Variants in PHKB observed in about 807,000 individuals in gnomAD.
PHKB encodes the protein phosphorylase kinase regulatory subunit beta, also known as phosphorylase b kinase regulatory subunit beta.
In PHKB, 122 loss-of-function variants were observed where a neutral mutation model predicts 152.1. The observed-to-expected ratio is 0.80, with a 90% CI of 0.69 to 0.93. The LOEUF is 0.93. Ranked by LOEUF, PHKB falls within the 40% of genes least tolerant of loss-of-function variation. The probability of loss-of-function intolerance (pLI) is 0.00; values close to 1 mark genes in which losing one functional copy is unlikely to be tolerated. For missense variants in PHKB, 1,304 were observed against 1,328.4 expected (o/e 0.98, Z 0.29); for synonymous variants, 436 against 464.9 (o/e 0.94, Z 0.80).
chr16:47,510,862 A>C (rs1161458224), intron 4 of PHKB, among the ~76,000 whole-genome samples: 3 of 152,164 alleles, frequency 2.0e-5, no homozygotes, highest in Non-Finnish European at 2.9e-5. Context: ...AAATTATTGC[A>C]TTTACCTAGA....
chr16:47,522,774 CGTGA>C (rs926646138), intron 6 of PHKB, among the ~76,000 whole-genome samples: 51 of 151,774 alleles, frequency 3.4e-4, no homozygotes, highest in Non-Finnish European at 6.0e-4. Context: ...TGATTTCTCT[CGTGA>C]GTTTTTCTTT....
chr16:47,535,447 A>T (rs1597063351), intron 6 of PHKB, among the ~76,000 whole-genome samples: 1 of 152,210 alleles, frequency 6.6e-6, no homozygotes, highest in East Asian at 1.9e-4. Context: ...TTGTTAACAA[A>T]TTATATTACC....
At chr16:47,469,134 A>G (rs1261490077) in intron 1 of PHKB, among the ~76,000 whole-genome samples, 1 of 152,220 alleles carries the variant, frequency 6.6e-6, no homozygotes, top group Non-Finnish European at 1.5e-5. Context: ...TGTTTTGTGC[A>G]TAGCTGTATC....
chr16:47,684,283 A>G (rs1331525737), intron 26 of PHKB, among the ~76,000 whole-genome samples: 1 of 151,962 alleles, frequency 6.6e-6, no homozygotes, highest in Non-Finnish European at 1.5e-5. Flanking sequence ...CAAGATCACA[A>G]CAGCTGCACT....
At chr16:47,564,980 A>G in intron 7 of PHKB, 7 of 219,190 alleles carry the variant, frequency 3.2e-5, no homozygotes, top group South Asian at 6.6e-5. Context: ...TTCCCCCAGG[A>G]GATGGTGAGT....
intron 1 of PHKB, among the ~76,000 whole-genome samples, chr16:47,473,288 T>A (rs1969812156): frequency 7.2e-6 from 1 of 138,230 alleles, no homozygotes; most frequent in Non-Finnish European, 1.5e-5. Flanking sequence ...TTGCCCAGGC[T>A]GGTCTGGAAC....
At chr16:47,506,027 CAA>C (rs1198434467) in intron 4 of PHKB, among the ~76,000 whole-genome samples, 15 of 50,246 alleles carry the variant, frequency 3.0e-4, no homozygotes, top group Admixed American at 4.6e-4. Context: ...GAAACTGTCT[CAA>C]AAAAAAAAAA....
At chr16:47,665,847 C>T in intron 25 of PHKB, 1 of 840,198 alleles carries the variant, frequency 1.2e-6, no homozygotes, top group Non-Finnish European at 2.1e-6. Flanking sequence ...GAGGATTCCA[C>T]TGTGTATATT....
intron 16 of PHKB, 134 bp downstream of exon 16, chr16:47,641,826 T>C (rs1973028146): frequency 2.9e-6 from 2 of 680,138 alleles, no homozygotes; most frequent in East Asian, 5.5e-5. Flanking sequence ...AGCTTCTAAT[T>C]AAATTGAGAA....
chr16:47,603,951 A>G (rs1027858933), intron 13 of PHKB, among the ~76,000 whole-genome samples: 8 of 152,210 alleles, frequency 5.3e-5, no homozygotes, highest in African/African-American at 1.9e-4. Context: ...AACTCACCCA[A>G]GGTTACAGAG....
intron 1 of PHKB, among the ~76,000 whole-genome samples, chr16:47,472,245 G>C (rs773715369): frequency 7.0e-4 from 107 of 152,280 alleles, no homozygotes; most frequent in Non-Finnish European, 1.2e-3. Flanking sequence ...CAGGCAGAAG[G>C]ATGCATTTAG....
intron 26 of PHKB, among the ~76,000 whole-genome samples, chr16:47,677,943 C>T (rs1285341277): frequency 4.3e-5 from 6 of 139,102 alleles, no homozygotes; most frequent in African/African-American, 1.1e-4. Context: ...CAACAGTCCC[C>T]GGAGTGTGAT....
chr16:47,614,434 C>G lies in PHKB; in HGVS notation c.1458+3514C>G, dbSNP rs560719470. Reference sequence around the variant, plus strand: ...TGGTACCTTTGTTTAACCATTCACACATTGAAGAATATCCTACAGGTTATT... The same window carrying G: ...TGGTACCTTTGTTTAACCATTCACAGATTGAAGAATATCCTACAGGTTATT... On this transcript the variant is annotated intron_variant, in intron 14 of 30. Coordinates refer to ENST00000323584, the MANE Select transcript of PHKB (RefSeq NM_000293.3). 9.3e-4 allele frequency among the ~76,000 whole-genome samples: 141 copies of G among 152,298 alleles called. 1 individual carries two copies. The highest frequency in any genetic ancestry group is 3.2e-3 in the African/African-American group (135 of 41,560).
chr16:47,510,306 C>T (rs1970489220), intron 4 of PHKB, among the ~76,000 whole-genome samples: 1 of 152,108 alleles, frequency 6.6e-6, no homozygotes, highest in South Asian at 2.1e-4. Context: ...CTGCACGTCC[C>T]CTGAAGTAAG....
chr16:47,516,943 A>G (rs1970608276), intron 6 of PHKB, among the ~76,000 whole-genome samples: 1 of 152,174 alleles, frequency 6.6e-6, no homozygotes, highest in Non-Finnish European at 1.5e-5. Flanking sequence ...GGAGCTGGGA[A>G]ACTCCTGTTT....
intron 6 of PHKB, among the ~76,000 whole-genome samples, chr16:47,543,707 C>A (rs959662867): frequency 6.6e-6 from 1 of 152,140 alleles, no homozygotes; most frequent in Admixed American, 6.5e-5. Flanking sequence ...AGCTATTCAG[C>A]TTCTTCCTGG....
intron 4 of PHKB, among the ~76,000 whole-genome samples, chr16:47,505,783 A>G (rs1970405479): frequency 6.6e-6 from 1 of 152,202 alleles, no homozygotes. Context: ...CTAAAATCAC[A>G]GCACTTTGAG....
chr16:47,566,621 T>C (rs1971571781), intron 7 of PHKB: 1 of 1,230,326 alleles, frequency 8.1e-7, no homozygotes, highest in Admixed American at 1.7e-5. Flanking sequence ...AGGGTGACAA[T>C]TTGGGAAGAT....
intron 14 of PHKB, 127 bp downstream of exon 14, chr16:47,611,047 G>A (rs1257719594): frequency 4.2e-6 from 3 of 708,294 alleles, no homozygotes; most frequent in East Asian, 2.7e-5. Flanking sequence ...CCCTCTTCTG[G>A]TTAGTTAAGA....
Sources: allele counts gnomAD v4.1 joint callset (sites outside exome capture counted in the v4.1 genomes callset), GRCh38; gene constraint gnomAD v4.1.1; transcripts MANE v1.5; gene names NCBI Gene and HGNC (gene_info 2026-07-23, HGNC 2026-07-21).